GSK3B: variants seen among roughly 807,000 people sequenced by gnomAD.
GSK3B encodes the protein glycogen synthase kinase-3 beta.
GSK3B carries 15 observed loss-of-function variants against 56.4 expected under a neutral mutation model. The observed-to-expected ratio is 0.27, with a 90% confidence interval of 0.18 to 0.41. The LOEUF is 0.41. Ranked by LOEUF, GSK3B falls within the 10% of genes least tolerant of loss-of-function variation. GSK3B has a pLI of 1.00. For missense variants in GSK3B, 300 were observed against 513.4 expected, an observed-to-expected ratio of 0.58 and a Z score of 4.02; for synonymous variants, 181 against 188.9, an observed-to-expected ratio of 0.96 and a Z score of 0.34.
chr3:119,922,855 CA>C (rs1161765022), intron 4 of GSK3B, among the ~76,000 whole-genome samples: 1 of 152,062 alleles, frequency 6.6e-6, no homozygotes, highest in African/African-American at 2.4e-5. Flanking sequence ...GCCATTCTGC[CA>C]TGAGTTCTAG....
intron 9 of GSK3B, among the ~76,000 whole-genome samples, chr3:119,854,191 C>G (rs1007275866): frequency 2.0e-5 from 3 of 152,010 alleles, no homozygotes; most frequent in Non-Finnish European, 2.9e-5. Flanking sequence ...TGGTTTTTGT[C>G]TTTGGTTTTG....
intron 1 of GSK3B, among the ~76,000 whole-genome samples, chr3:120,079,033 C>T (rs1043521173): frequency 6.9e-6 from 1 of 144,920 alleles, no homozygotes; most frequent in Non-Finnish European, 1.5e-5. Context: ...CTCTGCTTTG[C>T]CAGGTTCAAA....
At chr3:119,907,398 A>G (rs1473579630) in intron 6 of GSK3B, among the ~76,000 whole-genome samples, 2 of 152,194 alleles carry the variant, frequency 1.3e-5, no homozygotes, top group African/African-American at 2.4e-5. Context: ...AAGTTATCAC[A>G]GAAGACTGAC....
rs986655490 is a variant in GSK3B at position 120,093,495 on chromosome 3, T to C, written c.-61A>G. On this transcript the variant is annotated 5_prime_UTR_variant, in exon 1 of 11. Transcript: ENST00000264235. ...CCTCCTTTTCTTCCTTTTGTCTTTA[T>C]GTTGGGGTGTTAGGTTAACGATAAA... is the stretch of plus-strand genomic sequence containing the variant. The C allele has an allele frequency of 1.8e-6, 2 of 1,086,170 alleles. No individual in the cohort carries two copies. The highest frequency in any genetic ancestry group is 2.9e-6 in the Non-Finnish European group (2 of 701,588). The allele number at this position is 1,086,170 out of a possible 1,614,324, so 67.3% of individuals were successfully genotyped here. A position where few individuals can be genotyped will look rare whatever the true frequency, so the allele number is the denominator to read the frequency against.
At chr3:119,840,570 T>A (rs1362854155) in intron 10 of GSK3B, among the ~76,000 whole-genome samples, 2 of 152,134 alleles carry the variant, frequency 1.3e-5, no homozygotes, top group African/African-American at 4.8e-5. Flanking sequence ...TAACTCACAA[T>A]GACAAATTCT....
intron 8 of GSK3B, among the ~76,000 whole-genome samples, chr3:119,868,306 G>T (rs1011498421): frequency 2.0e-5 from 3 of 151,858 alleles, no homozygotes; most frequent in Non-Finnish European, 4.4e-5. Flanking sequence ...GAAACTAACA[G>T]AAAAAAATCA....
chr3:119,917,522 A>G (rs1330263741), intron 4 of GSK3B, among the ~76,000 whole-genome samples: 2 of 152,108 alleles, frequency 1.3e-5, no homozygotes, highest in African/African-American at 4.8e-5. Context: ...TTACTGTAGG[A>G]GTTTAATTCA....
At chr3:119,993,864 G>A (rs2057589528) in intron 2 of GSK3B, among the ~76,000 whole-genome samples, 1 of 152,152 alleles carries the variant, frequency 6.6e-6, no homozygotes, top group African/African-American at 2.4e-5. Flanking sequence ...GCTTGAAAGG[G>A]CTTTCGCTGA....
intron 10 of GSK3B, among the ~76,000 whole-genome samples, chr3:119,839,695 A>T (rs1038582197): frequency 1.3e-5 from 2 of 152,228 alleles, no homozygotes; most frequent in African/African-American, 4.8e-5. Flanking sequence ...GCTACTGAAA[A>T]CAGGTTAAGT....
At chr3:120,027,888 C>T (rs1227274858) in intron 1 of GSK3B, among the ~76,000 whole-genome samples, 1 of 151,960 alleles carries the variant, frequency 6.6e-6, no homozygotes, top group African/African-American at 2.4e-5. Context: ...GATAAATTTG[C>T]TTAAAGTTCT....
At chr3:120,003,610 C>G (rs1031340319) in intron 1 of GSK3B, among the ~76,000 whole-genome samples, 1 of 152,124 alleles carries the variant, frequency 6.6e-6, no homozygotes. Flanking sequence ...GTATTTTTCT[C>G]TGTGAAATAT....
intron 7 of GSK3B, among the ~76,000 whole-genome samples, chr3:119,904,861 T>A (rs2056666302): frequency 6.6e-6 from 1 of 151,952 alleles, no homozygotes. Context: ...AAATTTGGGA[T>A]ATCACAAACA....
chr3:120,029,719 A>G, intron 1 of GSK3B: 1 of 537,410 alleles, frequency 1.9e-6, no homozygotes. Flanking sequence ...AAATTTTTTT[A>G]TCATGCAGTG....
At chr3:119,909,230 C>T (rs1315271448) in intron 6 of GSK3B, among the ~76,000 whole-genome samples, 1 of 152,080 alleles carries the variant, frequency 6.6e-6, no homozygotes, top group Non-Finnish European at 1.5e-5. Flanking sequence ...AGGCTGGTCT[C>T]GAACTCCTGA....
intron 2 of GSK3B, among the ~76,000 whole-genome samples, chr3:119,971,643 G>A (rs939442585): frequency 0.028 from 3,038 of 108,340 alleles, 142 homozygotes; most frequent in African/African-American, 0.1. Flanking sequence ...ACGGAGTCTC[G>A]CTCTGTCGCC....
chr3:119,931,573 C>T (rs764247851), intron 3 of GSK3B, among the ~76,000 whole-genome samples: 20 of 151,986 alleles, frequency 1.3e-4, no homozygotes, highest in Admixed American at 3.9e-4. Context: ...CAAGACTGTG[C>T]CACTGCACTC....
chr3:120,021,461 A>G (rs1209543156), intron 1 of GSK3B, among the ~76,000 whole-genome samples: 1 of 151,906 alleles, frequency 6.6e-6, no homozygotes, highest in Non-Finnish European at 1.5e-5. Context: ...GGTTGCAGTG[A>G]GCCGAGATTG....
chr3:119,872,777 G>C (rs2056264282), intron 8 of GSK3B, among the ~76,000 whole-genome samples: 1 of 152,010 alleles, frequency 6.6e-6, no homozygotes, highest in Non-Finnish European at 1.5e-5. Flanking sequence ...CCTGAGAAAA[G>C]ACACAGCAGA....
rs62264712 is a variant in GSK3B at position 119,875,042 on chromosome 3, A to G, written c.909+1371T>C. On this transcript the variant is annotated intron_variant, in intron 8 of 10. Transcript: ENST00000264235. Reference sequence around the variant, plus strand: ...AAAATAAGCCTTGAATACAAAGATCAAAGAACACTTTTGAATCTCAGACTA... The same window carrying G: ...AAAATAAGCCTTGAATACAAAGATCGAAGAACACTTTTGAATCTCAGACTA... Among the ~76,000 whole-genome samples, 482 of 152,238 alleles carry G rather than the reference A, an allele frequency of 3.2e-3. 1 individual carries two copies. The highest frequency in any genetic ancestry group is 5.8e-3 in the Non-Finnish European group (391 of 67,982).
Sources: allele counts gnomAD v4.1 joint callset (sites outside exome capture counted in the v4.1 genomes callset), GRCh38; gene constraint gnomAD v4.1.1; transcripts MANE v1.5; gene names NCBI Gene and HGNC (gene_info 2026-07-23, HGNC 2026-07-21).